ARFIP1: variants seen among roughly 807,000 people sequenced by gnomAD.
ARFIP1 encodes the protein arfaptin-1.
Under a neutral mutation model 42.5 loss-of-function variants are expected in ARFIP1, and 24 were observed. The observed-to-expected ratio is 0.57, with a 90% CI of 0.41 to 0.80. The LOEUF is 0.80. ARFIP1 is among the 30% of genes least tolerant of loss of function. The pLI is 0.00. For synonymous variants in ARFIP1, 141 were observed against 153.7 expected (o/e 0.92, Z 0.61); for missense variants, 354 against 434.0 (o/e 0.82, Z 1.64).
intron 1 of ARFIP1, among the ~76,000 whole-genome samples, chr4:152,816,040 G>A (rs1424368725): frequency 1.3e-5 from 2 of 151,944 alleles, no homozygotes; most frequent in African/African-American, 2.4e-5. Flanking sequence ...CACCGCGCCC[G>A]GCCATCTGAC....
intron 1 of ARFIP1, among the ~76,000 whole-genome samples, chr4:152,785,243 T>C (rs1730732349): frequency 6.6e-6 from 1 of 152,226 alleles, no homozygotes; most frequent in Non-Finnish European, 1.5e-5. Flanking sequence ...TTGTTTAGCA[T>C]GTAATAATTT....
chr4:152,866,146 A>G (rs565888297), intron 3 of ARFIP1, among the ~76,000 whole-genome samples: 199 of 152,268 alleles, frequency 1.3e-3, no homozygotes, highest in African/African-American at 4.7e-3. Context: ...TTTAACCCTG[A>G]GTGGACACAG....
intron 5 of ARFIP1, among the ~76,000 whole-genome samples, chr4:152,877,877 G>T (rs926575639): frequency 6.6e-6 from 1 of 152,116 alleles, no homozygotes; most frequent in Non-Finnish European, 1.5e-5. Context: ...TGTAAGAAGT[G>T]CCTTTTGCCT....
In ARFIP1 at chr4:152,842,378, C is replaced by T. The variant is rs62319902; in HGVS notation, c.93+12652C>T. Among the ~76,000 whole-genome samples, 937 of 151,976 alleles carry T rather than the reference C, an allele frequency of 6.2e-3. 5 individuals are homozygous for T. The highest frequency in any genetic ancestry group is 0.01 in the Non-Finnish European group (712 of 67,980). On this transcript the variant is annotated intron_variant, in intron 2 of 8. Coordinates refer to ENST00000353617, the MANE Select transcript of ARFIP1 (RefSeq NM_001025595.3). ...TTCTTCATCTTAACTTTGGATAACC[C>T]GATGACATTGTGCCTAGGATCTTTT...
intron 5 of ARFIP1, among the ~76,000 whole-genome samples, chr4:152,880,328 TAGAG>T (rs914936276): frequency 1.2e-4 from 17 of 147,094 alleles, no homozygotes; most frequent in African/African-American, 4.3e-4. Flanking sequence ...GCCTGGGCAA[TAGAG>T]AGAGACTCCA....
chr4:152,781,239 T>TC (rs915632954), intron 1 of ARFIP1, among the ~76,000 whole-genome samples: 10 of 145,196 alleles, frequency 6.9e-5, no homozygotes, highest in Admixed American at 1.4e-4. Context: ...TTTTTCTTTT[T>TC]TTTTTTTTTT....
chr4:152,831,092 C>T (rs1187138782), intron 2 of ARFIP1, among the ~76,000 whole-genome samples: 1 of 152,192 alleles, frequency 6.6e-6, no homozygotes, highest in African/African-American at 2.4e-5. Flanking sequence ...CTTTCCAAGA[C>T]ACACCTGCAT....
At chr4:152,868,280 G>C (rs530797605) in intron 3 of ARFIP1, among the ~76,000 whole-genome samples, 1 of 152,270 alleles carries the variant, frequency 6.6e-6, no homozygotes, top group East Asian at 1.9e-4. Context: ...CCAGGGTTTT[G>C]TTTTAATGGG....
chr4:152,905,381 T>A (rs944889632), intron 8 of ARFIP1, among the ~76,000 whole-genome samples: 1 of 151,998 alleles, frequency 6.6e-6, no homozygotes, highest in Non-Finnish European at 1.5e-5. Context: ...TTTTAGCCAT[T>A]CTAGTGTATG....
intron 3 of ARFIP1, among the ~76,000 whole-genome samples, chr4:152,866,780 C>T (rs1251102490): frequency 4.7e-5 from 7 of 150,032 alleles, no homozygotes; most frequent in African/African-American, 1.5e-4. Context: ...ACTTCTCAGA[C>T]GGGGCTGCTG....
Position 152,801,356 on chromosome 4 carries a change from A to G in ARFIP1, c.-10+21130A>G, listed in dbSNP as rs114660567. Among the ~76,000 whole-genome samples the G allele has an allele frequency of 8.1e-3, 1,228 of 152,200 alleles. 15 individuals are homozygous for G. The highest frequency in any genetic ancestry group is 0.027 in the African/African-American group (1,139 of 41,526). ...GACAGAGCAAAGAGCAAGAGCAAAA[A>G]TATTAGTAAGATTGGTGTGTTTGAG... On this transcript the variant is annotated intron_variant, in intron 1 of 8. Transcript: ENST00000353617.
intron 1 of ARFIP1, among the ~76,000 whole-genome samples, chr4:152,783,572 C>T (rs1213183674): frequency 3.9e-5 from 6 of 152,106 alleles, no homozygotes; most frequent in Non-Finnish European, 7.4e-5. Context: ...GCTGGTGGAG[C>T]CAGTGCATGG....
chr4:152,782,899 G>C (rs1225600447), intron 1 of ARFIP1, among the ~76,000 whole-genome samples: 1 of 151,966 alleles, frequency 6.6e-6, no homozygotes, highest in Admixed American at 6.6e-5. Flanking sequence ...TTAACTTGAA[G>C]AGACCTATAC....
At chr4:152,907,817 T>C (rs1426822101) in intron 8 of ARFIP1, among the ~76,000 whole-genome samples, 1 of 152,224 alleles carries the variant, frequency 6.6e-6, no homozygotes, top group Non-Finnish European at 1.5e-5. Context: ...CTTGCTTTTT[T>C]AATGCTAAAA....
intron 2 of ARFIP1, among the ~76,000 whole-genome samples, chr4:152,834,304 C>T (rs1731477730): frequency 6.6e-6 from 1 of 152,136 alleles, no homozygotes; most frequent in South Asian, 2.1e-4. Context: ...CTCTTGTTCT[C>T]ACATTTCAAA....
chr4:152,810,348 A>G (rs1460576901), intron 1 of ARFIP1: 1 of 152,234 alleles, frequency 6.6e-6, no homozygotes, highest in African/African-American at 2.4e-5. Context: ...TAAAGTTATT[A>G]TTAAATACAT....
intron 5 of ARFIP1, among the ~76,000 whole-genome samples, chr4:152,875,090 A>G (rs548745460): frequency 2.6e-5 from 4 of 152,288 alleles, no homozygotes; most frequent in Non-Finnish European, 5.9e-5. Flanking sequence ...CTTAAAGGGA[A>G]TATTTAGCTT....
intron 6 of ARFIP1, 149 bp from the exon 7 acceptor site, chr4:152,882,574 G>T: frequency 1.2e-6 from 1 of 854,838 alleles, no homozygotes; most frequent in South Asian, 1.9e-5. Flanking sequence ...CTGTGATTTC[G>T]ATTCTTAAAG....
intron 1 of ARFIP1, among the ~76,000 whole-genome samples, chr4:152,782,125 G>C (rs911343285): frequency 1.3e-5 from 2 of 151,568 alleles, no homozygotes; most frequent in African/African-American, 4.9e-5. Flanking sequence ...GTATGTGTGT[G>C]TGCTTTCCCA....
Sources: gnomAD v4.1 joint callset for allele counts (sites outside exome capture counted in the v4.1 genomes callset) on GRCh38, gnomAD v4.1.1 for gene constraint, MANE v1.5 for transcripts, NCBI Gene and HGNC (gene_info 2026-07-23, HGNC 2026-07-21) for gene names.